The following DMD variants were observed in gnomAD, a reference collection of about 807,000 sequenced individuals.
DMD encodes the protein dystrophin.
DMD carries 63 observed loss-of-function variants against 330.1 expected under a neutral mutation model. The observed-to-expected ratio is 0.19, with a 90% confidence interval of 0.16 to 0.24. DMD has a LOEUF of 0.24. Ranked by LOEUF, DMD falls within the 10% of genes least tolerant of loss-of-function variation. DMD has a pLI of 1.00. For missense variants in DMD, 3,344 were observed against 2,684.1 expected, an observed-to-expected ratio of 1.25 and a Z score of -5.43; for synonymous variants, 1,223 against 959.8, an observed-to-expected ratio of 1.27 and a Z score of -5.07.
intron 43 of DMD, among the ~76,000 whole-genome samples, chrX:32,240,487 AG>A (rs200365046): frequency 0.11 from 12,324 of 111,231 alleles, 596 homozygotes; most frequent in Admixed American, 0.15. Flanking sequence ...TGAACTTCCC[AG>A]CCTCCAGAAC....
rs745496884 is a variant in DMD, at chrX:31,643,514, T to C, written c.8027+14476A>G. Among the ~76,000 whole-genome samples the C allele has an allele frequency of 3.6e-5, 4 of 111,936 alleles. No individual in the cohort carries two copies. The East Asian group carries it at 1.1e-3, about 31-fold the overall frequency. ...GTAGCTATAATTATTTTAATCTGCA[T>C]GAAAAATAATAGGATAAAAATTAAA... On this transcript the variant is annotated intron_variant, in intron 54 of 78. Coordinates refer to ENST00000357033, the MANE Select transcript of DMD (RefSeq NM_004006.3).
intron 2 of DMD, among the ~76,000 whole-genome samples, chrX:32,929,583 T>G (rs780383211): frequency 9.0e-6 from 1 of 111,458 alleles, no homozygotes; most frequent in Admixed American, 9.6e-5. Context: ...ATTATTATAT[T>G]TTAAGTTCTG....
chrX:32,413,913 G>A (rs772979601), intron 29 of DMD, among the ~76,000 whole-genome samples: 2 of 109,128 alleles, frequency 1.8e-5, no homozygotes, highest in Non-Finnish European at 3.8e-5. Flanking sequence ...TAGAGACAGG[G>A]TTTCACCAAT....
intron 62 of DMD, among the ~76,000 whole-genome samples, chrX:31,291,626 A>C (rs1289241385): frequency 8.9e-6 from 1 of 112,000 alleles, no homozygotes; most frequent in Non-Finnish European, 1.9e-5. Flanking sequence ...TGTACTATTT[A>C]AGAAATAAAC....
intron 44 of DMD, among the ~76,000 whole-genome samples, chrX:32,056,958 G>T (rs1021572250): frequency 3.0e-4 from 33 of 111,277 alleles, no homozygotes; most frequent in African/African-American, 1.0e-3. Context: ...TGCAAAAATG[G>T]TTCAATTTAT....
At chrX:32,194,843 A>G (rs951113535) in intron 44 of DMD, among the ~76,000 whole-genome samples, 2 of 111,785 alleles carry the variant, frequency 1.8e-5, no homozygotes, top group African/African-American at 6.5e-5. Context: ...AATTCATTGT[A>G]TTCTAAGCCA....
At chrX:31,648,793 G>C (rs2080267805) in intron 54 of DMD, among the ~76,000 whole-genome samples, 1 of 108,320 alleles carries the variant, frequency 9.2e-6, no homozygotes, top group Non-Finnish European at 1.9e-5. Context: ...GAAATCATTT[G>C]AATTAATGAT....
intron 18 of DMD, among the ~76,000 whole-genome samples, chrX:32,503,007 TTTTA>T (rs2044217248): frequency 8.9e-6 from 1 of 112,127 alleles, no homozygotes; most frequent in African/African-American, 3.2e-5. Context: ...TTTAATCTAA[TTTTA>T]TTTATTTTAA....
intron 27 of DMD, 70 bp from the exon 28 acceptor site, chrX:32,441,384 A>G (rs960847769): frequency 1.9e-6 from 2 of 1,060,220 alleles, no homozygotes; most frequent in Non-Finnish European, 2.6e-6. Context: ...TTGCCATTTC[A>G]TTATTAAAAC....
At chrX:32,367,383 G>A (rs183287912) in intron 34 of DMD, among the ~76,000 whole-genome samples, 106 of 112,113 alleles carry the variant, frequency 9.5e-4, no homozygotes, top group Middle Eastern at 4.7e-3. Context: ...CAGTCTACTG[G>A]CATCTCGCTG....
intron 1 of DMD, among the ~76,000 whole-genome samples, chrX:33,223,167 T>G (rs1191952907): frequency 9.0e-6 from 1 of 110,931 alleles, no homozygotes; most frequent in Non-Finnish European, 1.9e-5. Flanking sequence ...AAAAATTAGC[T>G]GGGAGTGGTG....
intron 54 of DMD, among the ~76,000 whole-genome samples, chrX:31,642,872 T>G (rs189595934): frequency 2.8e-4 from 31 of 112,086 alleles, no homozygotes; most frequent in African/African-American, 1.0e-3. Context: ...GGACAGCACA[T>G]CTAGGAAAAA....
chrX:32,713,219 T>A (rs2065354870), intron 7 of DMD, among the ~76,000 whole-genome samples: 1 of 111,788 alleles, frequency 8.9e-6, no homozygotes, highest in South Asian at 3.7e-4. Context: ...GAAAACTGAA[T>A]CCCTCTTACC....
At chrX:32,808,720 C>T (rs1239647602) in intron 7 of DMD, among the ~76,000 whole-genome samples, 3 of 111,922 alleles carry the variant, frequency 2.7e-5, no homozygotes, top group Non-Finnish European at 5.6e-5. Context: ...ATATCATCTT[C>T]AATCCCACCG....
rs922803283 is a variant in DMD, at chrX:32,342,238, T to C, written c.5784A>G (p.Ala1928=). 10 of 1,209,841 alleles carry C rather than the reference T, an allele frequency of 8.3e-6. No homozygotes were observed. The Admixed American group carries it at 2.2e-4, about 27-fold the overall frequency. Residue 1928 remains alanine (A), a synonymous_variant, in exon 41 of 79, where the codon GCA becomes GCG. Transcript: ENST00000357033. ...ACAAGCCCTCAGCTTGCCTACGCAC[T>C]GCATTCAGCTCCTCTTTCTTCTTCT... is the stretch of plus-strand genomic sequence containing the variant. ...ELQKKKEELN[A]VRRQAEGLSE...
rs774999570 is a variant in DMD, at chrX:32,177,437, C to T, written c.6438+39479G>A. ...AATCTGCTGTCACATTCTTTCTGTT[C>T]CTTTATCTCTGACACTCTCAGGCTT... is the stretch of plus-strand genomic sequence containing the variant. On this transcript the variant is annotated intron_variant, in intron 44 of 78. Coordinates refer to ENST00000357033, the MANE Select transcript of DMD (RefSeq NM_004006.3). 6.3e-5 allele frequency among the ~76,000 whole-genome samples: 7 copies of T among 111,922 alleles called. No homozygotes were observed. In the South Asian group the frequency reaches 2.6e-3, roughly 42 times the overall value.
intron 1 of DMD, among the ~76,000 whole-genome samples, chrX:33,253,257 C>T (rs887030929): frequency 4.6e-5 from 5 of 108,044 alleles, no homozygotes; most frequent in Admixed American, 9.7e-5. Flanking sequence ...ATGTCAGGTA[C>T]ATACTGCAAA....
At chrX:31,593,625 G>A (rs780370371) in intron 55 of DMD, among the ~76,000 whole-genome samples, 2 of 110,515 alleles carry the variant, frequency 1.8e-5, no homozygotes, top group African/African-American at 6.5e-5. Context: ...CCCATGCCTC[G>A]TCATAAAAGT....
chrX:31,182,715 A>ATT (rs3833412), intron 68 of DMD, 23 bp downstream of exon 68: 15,915 of 1,010,657 alleles, frequency 0.016, 43 homozygotes, highest in Non-Finnish European at 0.019. Context: ...AAAAAATGAC[A>ATT]TTTTTTTTTT....
Sources: gnomAD v4.1 joint callset for allele counts (sites outside exome capture counted in the v4.1 genomes callset) on GRCh38, gnomAD v4.1.1 for gene constraint, MANE v1.5 for transcripts, NCBI Gene and HGNC (gene_info 2026-07-23, HGNC 2026-07-21) for gene names.